The following FOXN4 variants were observed in gnomAD, a reference collection of about 807,000 sequenced individuals.
The protein encoded by FOXN4 is forkhead box N4, also known as forkhead box protein N4.
A neutral mutation model predicts 45.0 loss-of-function variants in FOXN4; 12 were observed. That is an observed-to-expected ratio of 0.27 (90% confidence interval 0.17 to 0.43). The LOEUF (loss-of-function observed/expected upper bound fraction) is 0.43, where lower values mean the gene tolerates loss of function less well. FOXN4 is among the 20% of genes least tolerant of loss of function. The probability of loss-of-function intolerance (pLI) is 1.00; values close to 1 mark genes in which losing one functional copy is unlikely to be tolerated. For synonymous variants in FOXN4, 297 were observed against 295.0 expected (o/e 1.01, Z -0.07); for missense variants, 560 against 694.9 (o/e 0.81, Z 2.18).
intron 2 of FOXN4, 61 bp downstream of exon 2, chr12:109,308,175 C>T: frequency 1.5e-6 from 2 of 1,328,302 alleles, no homozygotes; most frequent in Non-Finnish European, 2.1e-6. Flanking sequence ...AAACCATAAA[C>T]AGCATACAAA....
At position 109,296,687 on chromosome 12, in the gene FOXN4, C is replaced by G. The variant is rs139310723; in HGVS notation, c.87-6401G>C. 6.5e-3 allele frequency among the ~76,000 whole-genome samples: 984 copies of G among 152,294 alleles called. 9 individuals carry two copies. The highest frequency in any genetic ancestry group is 8.5e-3 in the Non-Finnish European group (579 of 68,004). On this transcript the variant is annotated intron_variant, in intron 2 of 9. Coordinates refer to ENST00000299162, the MANE Select transcript of FOXN4 (RefSeq NM_213596.3). ...AGACCCTGATGCTGAAGCAAGGACC[C>G]TCATGCCCCCAGGGGAGGAGCCAAA...
chr12:109,285,716 A>T (rs1252497552), intron 7 of FOXN4, among the ~76,000 whole-genome samples: 1 of 152,100 alleles, frequency 6.6e-6, no homozygotes, highest in African/African-American at 2.4e-5. Context: ...ATGAGAGGGG[A>T]ACTACAGTTC....
In FOXN4 at chr12:109,287,248, A is replaced by T. The variant is rs2047721348; in HGVS notation, c.596+149T>A. The T allele has an allele frequency of 2.7e-6, 3 of 1,095,476 alleles. No individual in the cohort carries two copies. In the South Asian group the frequency reaches 4.9e-5, roughly 18 times the overall value. The allele number at this position is 1,095,476 out of a possible 1,614,324, so 67.9% of individuals were successfully genotyped here. A position where few individuals can be genotyped will look rare whatever the true frequency, so the allele number is the denominator to read the frequency against. On this transcript the variant is annotated intron_variant, in intron 6 of 9. Coordinates refer to ENST00000299162, the MANE Select transcript of FOXN4 (RefSeq NM_213596.3). This position sits in a 1 kb window ranked among gnomAD's most constrained non-coding sequence, Gnocchi z 4.1. Reference sequence around the variant, plus strand: ...CCCTATGATGCGCCTTCCTGAGAACAAGTCCCACCTGGGGGTTCCCCACTC... The same window carrying T: ...CCCTATGATGCGCCTTCCTGAGAACTAGTCCCACCTGGGGGTTCCCCACTC...
intron 2 of FOXN4, 120 bp downstream of exon 2, chr12:109,308,116 C>T (rs2047937734): frequency 3.5e-6 from 3 of 856,104 alleles, no homozygotes; most frequent in Non-Finnish European, 3.5e-6. Flanking sequence ...CCAGCTCTCC[C>T]GCAAAAATCA....
Position 109,279,426 on chromosome 12 carries a change from C to A in FOXN4, c.*245G>T. On this transcript the variant is annotated 3_prime_UTR_variant, in exon 10 of 10. Transcript: ENST00000299162. The stretch of plus-strand genomic sequence containing the variant: ...GGTCGGGGGATGCTGGGTTGCTTGT[C>A]CACCTTCCTCCATTCTTCTGACTTG... 1.7e-6 allele frequency: 1 copy of A among 588,878 alleles called. No homozygotes were observed. The allele number at this position is 588,878 out of a possible 1,614,324, so 36.5% of individuals were successfully genotyped here. A position where few individuals can be genotyped will look rare whatever the true frequency, so the allele number is the denominator to read the frequency against.
rs765143345 is a variant in FOXN4, at chr12:109,281,590, G to C, written c.1111C>G (p.Leu371Val). ...LHHQVQPQAH[L>V]APDSPAPAQT... ...GCTGGTGCTGGAGAGTCTGGAGCAA[G>C]ATGTGCCTGGGGCTGGACCTGGTGG... Residue 371 changes from leucine to valine, a missense_variant, in exon 9 of 10, where the codon CTT (leucine) becomes GTT (valine). Physicochemically the swap from Leu to Val is conservative, Grantham distance 32. Around this residue, in one of 5 missense-constraint regions of FOXN4, gnomAD observed 315 missense variants for 350.5 expected, o/e 0.90. Transcript: ENST00000299162. 1.9e-6 allele frequency: 3 copies of C among 1,607,202 alleles called. No individual in the cohort carries two copies. In the African/African-American group the frequency reaches 4.0e-5, roughly 21 times the overall value.
At chr12:109,298,246 A>G (rs1362471614) in intron 2 of FOXN4, among the ~76,000 whole-genome samples, 1 of 151,812 alleles carries the variant, frequency 6.6e-6, no homozygotes, top group Non-Finnish European at 1.5e-5. Flanking sequence ...AGACCTATCC[A>G]AGCAGTAGCC....
intron 2 of FOXN4, among the ~76,000 whole-genome samples, chr12:109,307,297 C>A (rs769771463): frequency 1.3e-5 from 2 of 152,198 alleles, no homozygotes; most frequent in Admixed American, 6.5e-5. Context: ...TCTTCCCAGG[C>A]CAGCCCTGGT....
At chr12:109,295,485 A>G (rs1360072013) in intron 2 of FOXN4, among the ~76,000 whole-genome samples, 2 of 152,200 alleles carry the variant, frequency 1.3e-5, no homozygotes, top group African/African-American at 4.8e-5. Context: ...AGAAGAATCA[A>G]CTGCAAAGAC....
Position 109,279,805 on chromosome 12 carries a change from G to A in FOXN4, c.1420C>T (p.Gln474Ter). The part of the protein sequence containing the change: ...GLTPASGGSD[Q>*]SFPDLQVTGL... ...GTCACCTGCAAGTCTGGGAAGGACTGGTCGCTGCCACCCGAGGCAGGGGTT... is the reference window on the plus strand; with the variant it reads ...GTCACCTGCAAGTCTGGGAAGGACTAGTCGCTGCCACCCGAGGCAGGGGTT... The change falls in exon 10 of 10, where the codon CAG becomes TAG. Residue 474 changes from glutamine (Q) to a stop codon, truncating the protein, a stop_gained. Transcript: ENST00000299162. LOFTEE classifies it low-confidence loss of function (END_TRUNC). 2 of 1,611,404 alleles carry A rather than the reference G, an allele frequency of 1.2e-6. No individual in the cohort carries two copies. The highest frequency in any genetic ancestry group is 1.1e-5 in the South Asian group (1 of 90,484).
At chr12:109,307,540 G>A (rs1405357599) in intron 2 of FOXN4, among the ~76,000 whole-genome samples, 5 of 152,196 alleles carry the variant, frequency 3.3e-5, no homozygotes, top group Middle Eastern at 3.4e-3. Context: ...TAGGGGGTGC[G>A]CAGACTGGTT....
At chr12:109,300,201 A>G (rs2047857308) in intron 2 of FOXN4, among the ~76,000 whole-genome samples, 1 of 152,126 alleles carries the variant, frequency 6.6e-6, no homozygotes, top group African/African-American at 2.4e-5. Flanking sequence ...GGTGTCCGGC[A>G]CTCGGGAAGT....
chr12:109,286,783 A>G (rs767331990), intron 6 of FOXN4, 39 bp from the exon 7 acceptor site: 26 of 1,574,562 alleles, frequency 1.7e-5, no homozygotes, highest in South Asian at 3.4e-5. Context: ...GCAGGGCAGG[A>G]CAGGGCAGGC....
At chr12:109,301,773 A>G (rs1029713060) in intron 2 of FOXN4, among the ~76,000 whole-genome samples, 6 of 152,258 alleles carry the variant, frequency 3.9e-5, no homozygotes, top group Non-Finnish European at 7.3e-5. Context: ...GGCAAGGACC[A>G]GGAGGCCCTC....
rs1400762639 is a variant in FOXN4 at position 109,291,932 on chromosome 12, C to T, written c.87-1646G>A. 6.7e-6 allele frequency among the ~76,000 whole-genome samples: 1 copy of T among 148,876 alleles called. No homozygotes were observed. Among genetic ancestry groups the T allele is most frequent in the Admixed American group, 6.6e-5 (1 of 15,118 alleles). ...GTTTCTGCAGCCCCCCGGCTGCCAC[C>T]CCTCCGGCCGCCACCCCTCCGGCTG... On this transcript the variant is annotated intron_variant, in intron 2 of 9. Coordinates refer to ENST00000299162, the MANE Select transcript of FOXN4 (RefSeq NM_213596.3). The surrounding 1 kb of genome is among the most constrained non-coding windows in gnomAD (Gnocchi z 6.6).
chr12:109,286,252 A>ATC (rs2136920155), intron 7 of FOXN4, among the ~76,000 whole-genome samples: 1 of 152,242 alleles, frequency 6.6e-6, no homozygotes, highest in South Asian at 2.1e-4. Context: ...CAGGCCCTTT[A>ATC]TCTGCAGGAT....
intron 2 of FOXN4, among the ~76,000 whole-genome samples, chr12:109,293,788 G>C (rs968620386): frequency 6.6e-6 from 1 of 152,178 alleles, no homozygotes; most frequent in Non-Finnish European, 1.5e-5. Flanking sequence ...CTGCTTGGCT[G>C]GTTGAAATAG....
chr12:109,283,118 T>C (rs918979205), intron 8 of FOXN4, among the ~76,000 whole-genome samples: 6 of 152,030 alleles, frequency 3.9e-5, no homozygotes, highest in Non-Finnish European at 8.8e-5. Context: ...ACAATTAGCC[T>C]CCACGTCACA....
Position 109,279,864 on chromosome 12 carries a change from G to A in FOXN4, c.1361C>T (p.Ser454Phe). ...SLDTLGAFAD[S>F]PLGCDLGASG... The stretch of plus-strand genomic sequence containing the variant: ...GGCCCCCAGGTCACAGCCAAGCGGG[G>A]AGTCTGCAAAGGCGCCCAGTGTGTC... The change falls in exon 10 of 10, where the codon TCC (serine) becomes TTC (phenylalanine). Residue 454 changes from serine (S) to phenylalanine (F), a missense_variant. Physicochemically the swap from Ser to Phe is radical, Grantham distance 155 (BLOSUM62 -2). Coordinates refer to ENST00000299162, the MANE Select transcript of FOXN4 (RefSeq NM_213596.3). 6.2e-7 allele frequency: 1 copy of A among 1,614,012 alleles called. No individual in the cohort carries two copies. The highest frequency in any genetic ancestry group is 8.5e-7 in the Non-Finnish European group (1 of 1,179,900).
Sources: gnomAD v4.1 joint callset for allele counts (sites outside exome capture counted in the v4.1 genomes callset) on GRCh38, gnomAD v4.1.1 for gene constraint, gnomAD v4.1.1 regional missense constraint, Gnocchi (gnomAD v3.1) non-coding constraint, MANE v1.5 for transcripts, NCBI Gene and HGNC (gene_info 2026-07-23, HGNC 2026-07-21) for gene names.